The following CAMKK1 variants were observed in gnomAD, a reference collection of about 807,000 sequenced individuals.
CAMKK1 encodes calcium/calmodulin dependent protein kinase kinase 1.
Under a neutral mutation model 63.5 loss-of-function variants are expected in CAMKK1, and 20 were observed. That is an observed-to-expected ratio of 0.32 (90% CI 0.22 to 0.46). The LOEUF is 0.46. CAMKK1 is among the 20% of genes least tolerant of loss of function. CAMKK1 has a pLI of 1.00. For missense variants in CAMKK1, 588 were observed against 658.1 expected (o/e 0.89, Z 1.17); for synonymous variants, 253 against 269.0 (o/e 0.94, Z 0.58).
At position 3,868,467 on chromosome 17, in the gene CAMKK1, G is replaced by A. The variant is rs188734779; in HGVS notation, c.1341+1020C>T. On this transcript the variant is annotated intron_variant, in intron 14 of 15. Transcript: ENST00000348335. Reference sequence around the variant, plus strand: ...CGTGGGCTCTGGGGGAGACGCAGGCGCCGCCTAACTGATACGTGGGCTTTG... The same window carrying A: ...CGTGGGCTCTGGGGGAGACGCAGGCACCGCCTAACTGATACGTGGGCTTTG... 4.1e-3 allele frequency among the ~76,000 whole-genome samples: 589 copies of A among 143,518 alleles called. 3 individuals carry two copies. The highest frequency in any genetic ancestry group is 6.7e-3 in the Non-Finnish European group (436 of 64,684). The allele number at this position is 143,518 out of a possible 152,430, so 94.2% of individuals were successfully genotyped here. A position where few individuals can be genotyped will look rare whatever the true frequency, so the allele number is the denominator to read the frequency against.
In CAMKK1 at chr17:3,876,288, C is replaced by A; in HGVS notation, c.931G>T (p.Ala311Ser). 1 of 1,614,256 alleles carries A rather than the reference C, an allele frequency of 6.2e-7. No homozygotes were observed. The highest frequency in any genetic ancestry group is 8.5e-7 in the Non-Finnish European group (1 of 1,180,048). The change falls in exon 10 of 16, where the codon GCG becomes TCG. Residue 311 changes from alanine (A) to serine (S), a missense_variant. Ala to Ser is a moderately conservative substitution (Grantham distance 99). This residue lies in a region of CAMKK1 where 357 missense variants were observed against 407.4 expected (regional missense o/e 0.88). Transcript: ENST00000348335. The part of the protein sequence containing the change: ...EGNDAQLSST[A>S]GTPAFMAPEA... ...GGGGCCATGAATGCTGGGGTTCCCG[C>A]CGTGCTGGACAGCTGAGCGTCGTTC...
chr17:3,862,143 A>T lies in CAMKK1; in HGVS notation c.*68T>A. 1 of 1,358,760 alleles carries T rather than the reference A, an allele frequency of 7.4e-7. No individual in the cohort carries two copies. The highest frequency in any genetic ancestry group is 1.0e-6 in the Non-Finnish European group (1 of 981,400). 84.2% of individuals were successfully genotyped at this position (1,358,760 alleles called of 1,614,324 possible). On this transcript the variant is annotated 3_prime_UTR_variant, in exon 16 of 16. Transcript: ENST00000348335. The surrounding 1 kb of genome is among the most constrained non-coding windows in gnomAD (Gnocchi z 4.1). ...CCCTGCCTGCGGGGGCGGCTGTTGC[A>T]TGAGGGGTGGGCCTCTGGAGGCGCG...
At position 3,884,953 on chromosome 17, in the gene CAMKK1, C is replaced by A. The variant is rs1017289285; in HGVS notation, c.360+375G>T. The stretch of plus-strand genomic sequence containing the variant: ...GCCCAGAGGCTGGAGGCAGGCCGGC[C>A]GCTTCTGAGTCACAGCAGACTCTAA... On this transcript the variant is annotated intron_variant, in intron 2 of 15. Transcript: ENST00000348335. The surrounding 1 kb of genome is among the most constrained non-coding windows in gnomAD (Gnocchi z 4.5). 6.6e-6 allele frequency among the ~76,000 whole-genome samples: 1 copy of A among 152,184 alleles called. No homozygotes were observed. Among genetic ancestry groups the A allele is most frequent in the Non-Finnish European group, 1.5e-5 (1 of 68,048 alleles).
intron 12 of CAMKK1, among the ~76,000 whole-genome samples, chr17:3,871,969 T>G (rs1230257663): frequency 6.6e-6 from 1 of 152,176 alleles, no homozygotes; most frequent in Non-Finnish European, 1.5e-5. Flanking sequence ...TGAAATCCAC[T>G]GCTGAAAAGA....
Position 3,890,330 on chromosome 17 carries a change from C to G in CAMKK1, c.-44+2609G>C, listed in dbSNP as rs1567640610. Reference sequence around the variant, plus strand: ...GGGAGCCCCCAAGCACCAATACGGGCTGTTGCCTGACTCAGCACAGCTACC... The same window carrying G: ...GGGAGCCCCCAAGCACCAATACGGGGTGTTGCCTGACTCAGCACAGCTACC... On this transcript the variant is annotated intron_variant, in intron 1 of 15. Coordinates refer to ENST00000348335, the MANE Select transcript of CAMKK1 (RefSeq NM_032294.3). This position sits in a 1 kb window ranked among gnomAD's most constrained non-coding sequence, Gnocchi z 6.5. Among the ~76,000 whole-genome samples the G allele has an allele frequency of 6.6e-6, 1 of 152,184 alleles. No homozygotes were observed. The highest frequency in any genetic ancestry group is 1.5e-5 in the Non-Finnish European group (1 of 68,022).
rs931006520 is a variant in CAMKK1 at position 3,876,507 on chromosome 17, G to A, written c.797-85C>T. ...CACCCGTCCTTGCACAGCCAGGGAC[G>A]CCGGCCGGGACATCCCAGCCCATGC... On this transcript the variant is annotated intron_variant, in intron 9 of 15. Transcript: ENST00000348335. 74 of 1,231,034 alleles carry A rather than the reference G, an allele frequency of 6.0e-5. No individual in the cohort carries two copies. In the African/African-American group the frequency reaches 1.0e-3, roughly 17 times the overall value. The allele number at this position is 1,231,034 out of a possible 1,614,324, so 76.3% of individuals were successfully genotyped here.
chr17:3,872,610 A>C lies in CAMKK1; in HGVS notation c.1068T>G (p.Asp356Glu). 1 of 1,613,996 alleles carries C rather than the reference A, an allele frequency of 6.2e-7. No homozygotes were observed. Among genetic ancestry groups the C allele is most frequent in the African/African-American group, 1.3e-5 (1 of 75,050 alleles). The change falls in exon 12 of 16, where the codon GAT (aspartate) becomes GAG (glutamate). Residue 356 changes from aspartate to glutamate, a missense_variant. By Grantham distance (45) the Asp-to-Glu change is conservative. Around this residue, in one of 3 missense-constraint regions of CAMKK1, gnomAD observed 226 missense variants for 229.2 expected, o/e 0.99. Transcript: ENST00000348335. ...FVYGKCPFID[D>E]FILALHRKIK... is the part of the protein sequence containing the mutation. The stretch of plus-strand genomic sequence containing the variant: ...TCTTCCTGTGGAGGGCCAGGATGAA[A>C]TCGTCGATGAATGGGCACTGTGGGG...
At chr17:3,885,140 G>A (rs1012351111) in intron 2 of CAMKK1, among the ~76,000 whole-genome samples, 188 bp downstream of exon 2, 3 of 152,070 alleles carry the variant, frequency 2.0e-5, no homozygotes, top group African/African-American at 7.2e-5. Context: ...CTTAGGGAAG[G>A]CAGCCTTTGG....
intron 15 of CAMKK1, among the ~76,000 whole-genome samples, chr17:3,864,919 G>C (rs186568468): frequency 6.6e-6 from 1 of 152,180 alleles, no homozygotes; most frequent in African/African-American, 2.4e-5. Context: ...TCCCGGACAG[G>C]CCTGGTGACA....
rs1361609066 is a variant in CAMKK1 at position 3,884,233 on chromosome 17, G to C, written c.408+147C>G. 1 of 839,876 alleles carries C rather than the reference G, an allele frequency of 1.2e-6. No homozygotes were observed. The highest frequency in any genetic ancestry group is 2.0e-6 in the Non-Finnish European group (1 of 511,458). The allele number at this position is 839,876 out of a possible 1,614,324, so 52.0% of individuals were successfully genotyped here. A position where few individuals can be genotyped will look rare whatever the true frequency, so the allele number is the denominator to read the frequency against. ...CTTCCACCCTCCCCCTGGGTACCTG[G>C]GTACTTCCCACAGGGCACGAAACTG... On this transcript the variant is annotated intron_variant, in intron 3 of 15. Transcript: ENST00000348335. This position sits in a 1 kb window ranked among gnomAD's most constrained non-coding sequence, Gnocchi z 4.5.
In CAMKK1 at chr17:3,881,564, G is replaced by A. The variant is rs368992736; in HGVS notation, c.707+63C>T. On this transcript the variant is annotated intron_variant, in intron 8 of 15. Transcript: ENST00000348335. ...AGCTGACCCCTGGGCTGGGGACACA[G>A]GGAGGGAAAGGAAGGAAGGCCTGGA... is the stretch of plus-strand genomic sequence containing the variant. 1,406 of 1,507,640 alleles carry A rather than the reference G, an allele frequency of 9.3e-4. 14 individuals are homozygous for A. The African/African-American group carries it at 0.017, about 18-fold the overall frequency. 93.4% of individuals were successfully genotyped at this position (1,507,640 alleles called of 1,614,324 possible). A position where few individuals can be genotyped will look rare whatever the true frequency, so the allele number is the denominator to read the frequency against.
At chr17:3,886,939 CCCTCCATCCTT>C (rs1268077028) in intron 1 of CAMKK1, among the ~76,000 whole-genome samples, 2 of 152,168 alleles carry the variant, frequency 1.3e-5, no homozygotes, top group African/African-American at 4.8e-5. Flanking sequence ...GAACTCCTGA[CCCTCCATCCTT>C]CCTGTCTGCT....
Position 3,862,052 on chromosome 17 carries a change from C to T in CAMKK1, c.*159G>A. The T allele has an allele frequency of 6.4e-6, 4 of 623,996 alleles. No homozygotes were observed. Among genetic ancestry groups the T allele is most frequent in the East Asian group, 2.7e-5 (1 of 36,524 alleles). The allele number at this position is 623,996 out of a possible 1,614,324, so 38.7% of individuals were successfully genotyped here. ...ACATACATTCCAGTCTGTCCCTGGA[C>T]GTGCGTGCGTGGAGGTCATGCAGCA... On this transcript the variant is annotated 3_prime_UTR_variant, in exon 16 of 16. Coordinates refer to ENST00000348335, the MANE Select transcript of CAMKK1 (RefSeq NM_032294.3). This position sits in a 1 kb window ranked among gnomAD's most constrained non-coding sequence, Gnocchi z 4.1.
intron 15 of CAMKK1, among the ~76,000 whole-genome samples, chr17:3,863,494 A>G (rs1316837284): frequency 6.6e-6 from 1 of 152,028 alleles, no homozygotes; most frequent in Non-Finnish European, 1.5e-5. Context: ...GTGAAACTCC[A>G]TCTCAAAACA....
In CAMKK1 at chr17:3,882,286, T is replaced by C. The variant is rs1427322659; in HGVS notation, c.685+242A>G. The C allele has an allele frequency of 6.2e-7, 1 of 1,614,094 alleles. No homozygotes were observed. The highest frequency in any genetic ancestry group is 1.1e-5 in the South Asian group (1 of 91,086). ...GCGCGCAGCCCACGTGGATCCACTGTCTTGCTGCTCAGAGGGAAGCAGGGA... is the reference window on the plus strand; with the variant it reads ...GCGCGCAGCCCACGTGGATCCACTGCCTTGCTGCTCAGAGGGAAGCAGGGA... On this transcript the variant is annotated intron_variant, in intron 7 of 15. Transcript: ENST00000348335. This position sits in a 1 kb window ranked among gnomAD's most constrained non-coding sequence, Gnocchi z 4.3.
intron 14 of CAMKK1, among the ~76,000 whole-genome samples, chr17:3,868,755 C>T (rs1320456121): frequency 1.3e-5 from 2 of 151,920 alleles, no homozygotes; most frequent in African/African-American, 4.8e-5. Context: ...CAGGTTCAAG[C>T]GATTCTCCTG....
At position 3,880,338 on chromosome 17, in the gene CAMKK1, G is replaced by A. The variant is rs186035554; in HGVS notation, c.796+8C>T. Reference sequence around the variant, plus strand: ...CCAGCCCCAGTGGGCAAGCTGCCCCGCACTCACAGTACTCGAGGCCCAGGA... The same window carrying A: ...CCAGCCCCAGTGGGCAAGCTGCCCCACACTCACAGTACTCGAGGCCCAGGA... On this transcript the variant is annotated splice_region_variant and intron_variant, in intron 9 of 15. Coordinates refer to ENST00000348335, the MANE Select transcript of CAMKK1 (RefSeq NM_032294.3). 9.5e-5 allele frequency: 154 copies of A among 1,612,652 alleles called. 1 individual carries two copies. The African/African-American group carries it at 1.3e-3, about 14-fold the overall frequency.
At chr17:3,866,149 G>C (rs1307754092) in intron 14 of CAMKK1, 138 bp from the exon 15 acceptor site, 9 of 1,047,828 alleles carry the variant, frequency 8.6e-6, no homozygotes, top group Non-Finnish European at 1.1e-5. Flanking sequence ...TGAAATGGCA[G>C]AGGCAAGAAC....
At chr17:3,874,824 T>A (rs749819754) in intron 10 of CAMKK1, among the ~76,000 whole-genome samples, 6 of 151,790 alleles carry the variant, frequency 4.0e-5, no homozygotes, top group Admixed American at 6.6e-5. Flanking sequence ...ATAAGTCTTA[T>A]CAATGATTAA....
Sources: gnomAD v4.1 joint callset for allele counts (sites outside exome capture counted in the v4.1 genomes callset) on GRCh38, gnomAD v4.1.1 for gene constraint, gnomAD v4.1.1 regional missense constraint, Gnocchi (gnomAD v3.1) non-coding constraint, MANE v1.5 for transcripts, NCBI Gene and HGNC (gene_info 2026-07-23, HGNC 2026-07-21) for gene names.